MYO1D: variants seen among roughly 807,000 people sequenced by gnomAD.
MYO1D encodes myosin ID, also known as unconventional myosin-Id.
In MYO1D, 83 loss-of-function variants were observed where a neutral mutation model predicts 122.0. The ratio of observed to expected loss-of-function variants is 0.68; its 90% CI spans 0.57 to 0.82. MYO1D has a LOEUF of 0.82. MYO1D is among the 40% of genes least tolerant of loss of function. MYO1D has a pLI of 0.00. For synonymous variants in MYO1D, 464 were observed against 446.9 expected (o/e 1.04, Z -0.48); for missense variants, 1,157 against 1,269.5 (o/e 0.91, Z 1.35).
chr17:32,857,007 T>C (rs2030176881), intron 1 of MYO1D, among the ~76,000 whole-genome samples: 2 of 152,258 alleles, frequency 1.3e-5, no homozygotes, highest in African/African-American at 4.8e-5. Context: ...GTCAAGCACT[T>C]TGAAGTCCTG....
intron 1 of MYO1D, among the ~76,000 whole-genome samples, chr17:32,843,831 C>T (rs2090908373): frequency 1.3e-5 from 2 of 152,098 alleles, no homozygotes; most frequent in Admixed American, 1.3e-4. Flanking sequence ...TATGGCAATA[C>T]CCATTCTGGA....
chr17:32,869,803 T>C (rs1247741464), intron 1 of MYO1D, among the ~76,000 whole-genome samples: 2 of 151,052 alleles, frequency 1.3e-5, no homozygotes, highest in African/African-American at 4.9e-5. Flanking sequence ...CTTGGTGGTG[T>C]GCGCCTGTAG....
At chr17:32,612,772 G>C (rs1316209212) in intron 20 of MYO1D, among the ~76,000 whole-genome samples, 1 of 151,014 alleles carries the variant, frequency 6.6e-6, no homozygotes, top group Non-Finnish European at 1.5e-5. Context: ...TTAATGAAAT[G>C]CATATTTTTT....
At chr17:32,823,815 C>T (rs1316602903) in intron 1 of MYO1D, among the ~76,000 whole-genome samples, 1 of 152,064 alleles carries the variant, frequency 6.6e-6, no homozygotes, top group Non-Finnish European at 1.5e-5. Context: ...TGCCTGTAAT[C>T]CCAGCACTTT....
At chr17:32,791,073 T>G (rs2090345633) in intron 1 of MYO1D, among the ~76,000 whole-genome samples, 1 of 152,056 alleles carries the variant, frequency 6.6e-6, no homozygotes, top group Non-Finnish European at 1.5e-5. Context: ...TAAAATCATG[T>G]CAGTAATGAG....
chr17:32,594,736 G>T (rs1219060534), intron 21 of MYO1D, among the ~76,000 whole-genome samples: 1 of 152,156 alleles, frequency 6.6e-6, no homozygotes. Context: ...TGGATTTTTT[G>T]GGGCTCCTTC....
At chr17:32,700,808 G>A (rs1403087410) in intron 16 of MYO1D, among the ~76,000 whole-genome samples, 1 of 151,868 alleles carries the variant, frequency 6.6e-6, no homozygotes, top group Non-Finnish European at 1.5e-5. Flanking sequence ...GCCAGGTATG[G>A]TGGTGTGCGC....
rs201208700 is a variant in MYO1D at position 32,638,722 on chromosome 17, A to G, written c.2709T>C (p.Asn903=). The stretch of plus-strand genomic sequence containing the variant: ...CCAGAGAGAAGCACAGAGGACTTAC[A>G]TTGTATAGAGGGATAGTCTTCATCA... The part of the protein sequence containing the change: ...YKVMKTIPLY[N]LTGLSVSNGK... The change falls in exon 20 of 22, where the codon AAT becomes AAC. Residue 903 remains asparagine, a splice_region_variant and synonymous_variant. Transcript: ENST00000318217. 2.7e-4 allele frequency: 426 copies of G among 1,603,442 alleles called. 4 individuals are homozygous for G. In the South Asian group the frequency reaches 4.4e-3, roughly 17 times the overall value.
intron 20 of MYO1D, among the ~76,000 whole-genome samples, chr17:32,631,395 C>T (rs1364151128): frequency 6.6e-6 from 1 of 152,160 alleles, no homozygotes; most frequent in African/African-American, 2.4e-5. Context: ...AATTCCAGCA[C>T]TTTGGGATTT....
intron 1 of MYO1D, among the ~76,000 whole-genome samples, chr17:32,844,999 T>C (rs1241071785): frequency 6.6e-6 from 1 of 151,356 alleles, no homozygotes; most frequent in African/African-American, 2.4e-5. Flanking sequence ...AAATGCAGCT[T>C]AAGGCAACAT....
intron 21 of MYO1D, among the ~76,000 whole-genome samples, chr17:32,586,471 G>A (rs952908814): frequency 2.0e-5 from 3 of 151,994 alleles, no homozygotes; most frequent in Non-Finnish European, 4.4e-5. Context: ...TCATTATTCT[G>A]GTTTGTCAAG....
chr17:32,706,744 T>C (rs2089313051), intron 16 of MYO1D, among the ~76,000 whole-genome samples: 1 of 152,222 alleles, frequency 6.6e-6, no homozygotes, highest in Non-Finnish European at 1.5e-5. Context: ...TTGCCCAGGC[T>C]GGAGTGTAGT....
intron 6 of MYO1D, among the ~76,000 whole-genome samples, chr17:32,767,979 G>A (rs1195791014): frequency 2.6e-5 from 4 of 152,172 alleles, no homozygotes; most frequent in Non-Finnish European, 5.9e-5. Flanking sequence ...GCACTGTGCC[G>A]TTTTCTGGAA....
At chr17:32,823,736 C>T (rs2090695894) in intron 1 of MYO1D, among the ~76,000 whole-genome samples, 1 of 151,976 alleles carries the variant, frequency 6.6e-6, no homozygotes, top group African/African-American at 2.4e-5. Context: ...AACATAAAGC[C>T]AGGCAACACA....
chr17:32,736,023 A>G (rs909067909), intron 14 of MYO1D, among the ~76,000 whole-genome samples: 1 of 143,370 alleles, frequency 7.0e-6, no homozygotes, highest in Non-Finnish European at 1.5e-5. Flanking sequence ...AATTATTTAG[A>G]TTTATTTCTA....
At chr17:32,861,738 C>T (rs1282380510) in intron 1 of MYO1D, among the ~76,000 whole-genome samples, 1 of 152,124 alleles carries the variant, frequency 6.6e-6, no homozygotes, top group African/African-American at 2.4e-5. Context: ...TATGTCTCGG[C>T]CAGGTGCCAC....
intron 1 of MYO1D, among the ~76,000 whole-genome samples, chr17:32,818,120 C>A (rs1222144516): frequency 4.3e-5 from 2 of 46,052 alleles, no homozygotes; most frequent in South Asian, 1.6e-3. Flanking sequence ...AGCGAGACTC[C>A]GTCTCAAAAA....
intron 1 of MYO1D, among the ~76,000 whole-genome samples, chr17:32,839,663 C>T (rs2090860072): frequency 6.6e-6 from 1 of 152,146 alleles, no homozygotes; most frequent in Non-Finnish European, 1.5e-5. Context: ...ATTAATCCTC[C>T]TCAACCTCTT....
intron 21 of MYO1D, among the ~76,000 whole-genome samples, chr17:32,582,424 T>A (rs2087351241): frequency 6.6e-6 from 1 of 152,248 alleles, no homozygotes; most frequent in African/African-American, 2.4e-5. Context: ...ACCTATAAGT[T>A]ACTTTGGAGT....
Sources: allele counts gnomAD v4.1 joint callset (sites outside exome capture counted in the v4.1 genomes callset), GRCh38; gene constraint gnomAD v4.1.1; transcripts MANE v1.5; gene names NCBI Gene and HGNC (gene_info 2026-07-23, HGNC 2026-07-21).